The following SPATS2L variants were observed in gnomAD, a reference collection of about 807,000 sequenced individuals.
The protein encoded by SPATS2L is SPATS2-like protein.
Under a neutral mutation model 59.6 loss-of-function variants are expected in SPATS2L, and 30 were observed. The ratio of observed to expected loss-of-function variants is 0.50; its 90% CI spans 0.38 to 0.68. The LOEUF (loss-of-function observed/expected upper bound fraction) is 0.68. Ranked by LOEUF, SPATS2L falls within the 30% of genes least tolerant of loss-of-function variation. The probability of loss-of-function intolerance (pLI) is 0.00; values close to 1 mark genes in which losing one functional copy is unlikely to be tolerated. For synonymous variants in SPATS2L, 252 were observed against 263.5 expected, an observed-to-expected ratio of 0.96 and a Z score of 0.42; for missense variants, 615 against 700.0, an observed-to-expected ratio of 0.88 and a Z score of 1.37.
intron 1 of SPATS2L, among the ~76,000 whole-genome samples, chr2:200,319,520 G>A (rs917076555): frequency 1.5e-5 from 2 of 136,546 alleles, no homozygotes; most frequent in Non-Finnish European, 3.0e-5. Flanking sequence ...AGCCAAGATT[G>A]CGCCACTGCA....
intron 2 of SPATS2L, among the ~76,000 whole-genome samples, chr2:200,367,626 A>G (rs989917853): frequency 3.3e-5 from 5 of 152,200 alleles, no homozygotes; most frequent in Non-Finnish European, 7.3e-5. Flanking sequence ...AGATTACCTA[A>G]ATTACTTTCT....
chr2:200,409,197 C>T (rs774555811), intron 3 of SPATS2L, among the ~76,000 whole-genome samples: 23 of 152,204 alleles, frequency 1.5e-4, no homozygotes, highest in Non-Finnish European at 2.6e-4. Context: ...ATGAGTTCTC[C>T]GTATGCAAAC....
intron 1 of SPATS2L, among the ~76,000 whole-genome samples, chr2:200,327,002 C>A (rs1198217457): frequency 6.6e-6 from 1 of 151,066 alleles, no homozygotes; most frequent in Admixed American, 6.6e-5. Context: ...CTGCCTCGGC[C>A]TCCCAAAATG....
chr2:200,329,464 T>G lies in SPATS2L; in HGVS notation c.-39T>G, dbSNP rs1301024688. On this transcript the variant is annotated 5_prime_UTR_variant, in exon 2 of 13. Transcript: ENST00000409140. The stretch of plus-strand genomic sequence containing the variant: ...AGAAACCAGGCTGCTTTCAGGAACA[T>G]TGCTGTGGATTCCCAGGTGAGTAGA... 1 of 1,550,462 alleles carries G rather than the reference T, an allele frequency of 6.4e-7. No individual in the cohort carries two copies. Among genetic ancestry groups the G allele is most frequent in the African/African-American group, 1.4e-5 (1 of 73,048 alleles).
At chr2:200,343,165 T>C (rs1260407604) in intron 2 of SPATS2L, among the ~76,000 whole-genome samples, 1 of 152,186 alleles carries the variant, frequency 6.6e-6, no homozygotes, top group Non-Finnish European at 1.5e-5. Context: ...AGCACTACAA[T>C]AATATTGTCA....
At chr2:200,307,132 C>T (rs145748476) in intron 1 of SPATS2L, among the ~76,000 whole-genome samples, 4,480 of 151,212 alleles carry the variant, frequency 0.03, 74 homozygotes, top group Middle Eastern at 0.079. Context: ...GCGAAGGTCG[C>T]CGTCCTTCCT....
intron 12 of SPATS2L, among the ~76,000 whole-genome samples, chr2:200,475,091 C>G (rs1166943286): frequency 6.6e-6 from 1 of 152,180 alleles, no homozygotes; most frequent in African/African-American, 2.4e-5. Context: ...TCACACCCAT[C>G]CGCTGGAAGG....
chr2:200,472,056 G>C (rs903721293), intron 11 of SPATS2L, among the ~76,000 whole-genome samples: 3 of 152,192 alleles, frequency 2.0e-5, no homozygotes, highest in African/African-American at 4.8e-5. Context: ...CAGGGGGAAT[G>C]GTCATAATAA....
chr2:200,382,468 G>A (rs1035381097), intron 2 of SPATS2L, among the ~76,000 whole-genome samples: 1 of 152,222 alleles, frequency 6.6e-6, no homozygotes, highest in Admixed American at 6.5e-5. Context: ...CTGCAAATGC[G>A]CAAGGCATAT....
intron 2 of SPATS2L, among the ~76,000 whole-genome samples, chr2:200,348,679 A>G (rs2080603882): frequency 6.6e-6 from 1 of 152,094 alleles, no homozygotes; most frequent in African/African-American, 2.4e-5. Context: ...GTAGATCACT[A>G]AGCTCTAGGA....
chr2:200,372,946 C>T (rs937085706), intron 2 of SPATS2L, among the ~76,000 whole-genome samples: 2 of 152,140 alleles, frequency 1.3e-5, no homozygotes, highest in Non-Finnish European at 2.9e-5. Flanking sequence ...TGGTACCTGG[C>T]ACAGAGCAGG....
intron 2 of SPATS2L, among the ~76,000 whole-genome samples, chr2:200,341,983 C>T (rs11890234): frequency 0.43 from 66,113 of 152,028 alleles, 15,858 homozygotes; most frequent in East Asian, 0.73. Flanking sequence ...CCACCGCGCC[C>T]GGCCAACTAT....
chr2:200,420,716 A>C (rs1321627112), intron 6 of SPATS2L, among the ~76,000 whole-genome samples: 1 of 152,154 alleles, frequency 6.6e-6, no homozygotes, highest in East Asian at 1.9e-4. Context: ...ATCCAAACAA[A>C]TGTTGTAAAT....
chr2:200,421,375 C>T (rs150890072), intron 6 of SPATS2L, among the ~76,000 whole-genome samples: 649 of 152,316 alleles, frequency 4.3e-3, no homozygotes, highest in Middle Eastern at 0.01. Flanking sequence ...TGACACACTG[C>T]TATTCTCTGA....
intron 2 of SPATS2L, among the ~76,000 whole-genome samples, chr2:200,363,461 A>G (rs1201931842): frequency 1.3e-5 from 2 of 152,194 alleles, no homozygotes; most frequent in Non-Finnish European, 2.9e-5. Flanking sequence ...TGACAGTCAC[A>G]CTGATTTTTA....
intron 9 of SPATS2L, among the ~76,000 whole-genome samples, chr2:200,465,144 G>T (rs1481134218): frequency 1.3e-5 from 2 of 152,306 alleles, no homozygotes; most frequent in Admixed American, 1.3e-4. Context: ...GGAGATGCTC[G>T]CAGGAAACAG....
chr2:200,480,297 A>G lies in SPATS2L; in HGVS notation c.*2266A>G, dbSNP rs1288983027. On this transcript the variant is annotated 3_prime_UTR_variant, in exon 13 of 13. Coordinates refer to ENST00000409140, the MANE Select transcript of SPATS2L (RefSeq NM_001100423.2). The stretch of plus-strand genomic sequence containing the variant: ...CTGAAAAGAAACAAAAGAATGCTAA[A>G]AAGTGCTCAGACCTGATCACATTTT... 6.6e-6 allele frequency: 1 copy of G among 152,188 alleles called. No homozygotes were observed. The highest frequency in any genetic ancestry group is 1.5e-5 in the Non-Finnish European group (1 of 68,136). 9.4% of individuals were successfully genotyped at this position (152,188 alleles called of 1,614,324 possible).
chr2:200,396,053 T>A (rs1474337377), intron 3 of SPATS2L, among the ~76,000 whole-genome samples: 4 of 86,276 alleles, frequency 4.6e-5, no homozygotes, highest in Non-Finnish European at 9.0e-5. Context: ...TATATATATA[T>A]ATATATATAT....
At chr2:200,377,067 T>G (rs2081624906) in intron 2 of SPATS2L, among the ~76,000 whole-genome samples, 1 of 152,174 alleles carries the variant, frequency 6.6e-6, no homozygotes, top group Non-Finnish European at 1.5e-5. Flanking sequence ...TATTCTTTTA[T>G]AGCACTTTTA....
Sources: allele counts gnomAD v4.1 joint callset (sites outside exome capture counted in the v4.1 genomes callset), GRCh38; gene constraint gnomAD v4.1.1; transcripts MANE v1.5; gene names NCBI Gene and HGNC (gene_info 2026-07-23, HGNC 2026-07-21).